CCDC171: variants seen among roughly 807,000 people sequenced by gnomAD.
CCDC171 encodes the protein coiled-coil domain-containing protein 171.
In CCDC171, 177 loss-of-function variants were observed where a neutral mutation model predicts 168.2. The ratio of observed to expected loss-of-function variants is 1.05; its 90% CI spans 0.93 to 1.19. CCDC171 has a LOEUF of 1.19. Among genes scored for constraint, CCDC171 ranks in the 50% most tolerant of loss-of-function variants. CCDC171 has a pLI of 0.00. For missense variants in CCDC171, 1,991 were observed against 1,539.0 expected (o/e 1.29, Z -4.91); for synonymous variants, 687 against 540.8 (o/e 1.27, Z -3.75).
intron 24 of CCDC171, among the ~76,000 whole-genome samples, chr9:15,914,519 G>T (rs566715833): frequency 1.3e-5 from 2 of 152,080 alleles, no homozygotes; most frequent in Non-Finnish European, 2.9e-5. Flanking sequence ...AGCATCCCAG[G>T]TTGACTTCGG....
chr9:15,664,781 C>G (rs1326421974), intron 8 of CCDC171, among the ~76,000 whole-genome samples: 1 of 146,712 alleles, frequency 6.8e-6, no homozygotes, highest in Non-Finnish European at 1.5e-5. Context: ...TCACTGCAAC[C>G]TCTGCCTCCC....
At chr9:15,942,233 C>T (rs1053854525) in intron 25 of CCDC171, among the ~76,000 whole-genome samples, 1 of 151,878 alleles carries the variant, frequency 6.6e-6, no homozygotes, top group African/African-American at 2.4e-5. Context: ...TGGTAGATAA[C>T]AAATAGTTTG....
the CCDC171 span, among the ~76,000 whole-genome samples, chr9:16,101,056 G>T: frequency 2.6e-5 from 4 of 152,320 alleles, no homozygotes; most frequent in East Asian, 7.7e-4. Flanking sequence ...GAGCTAGGAG[G>T]GAAGCAGAGA....
chr9:15,910,398 G>A (rs1003682391), intron 24 of CCDC171, among the ~76,000 whole-genome samples: 11 of 151,976 alleles, frequency 7.2e-5, no homozygotes, highest in Admixed American at 1.3e-4. Flanking sequence ...TTTATTCCTC[G>A]CTTCTCCATT....
chr9:15,594,579 C>G (rs72706648), intron 6 of CCDC171, among the ~76,000 whole-genome samples: 1 of 151,962 alleles, frequency 6.6e-6, no homozygotes. Flanking sequence ...CTTAATTATC[C>G]TCTATTCCTC....
At chr9:15,910,871 T>C (rs1823525940) in intron 24 of CCDC171, among the ~76,000 whole-genome samples, 1 of 152,216 alleles carries the variant, frequency 6.6e-6, no homozygotes, top group Non-Finnish European at 1.5e-5. Flanking sequence ...GCAGAGGACA[T>C]GAAATCATTC....
the CCDC171 span, among the ~76,000 whole-genome samples, chr9:16,099,979 G>A: frequency 2.0e-5 from 3 of 150,956 alleles, no homozygotes; most frequent in African/African-American, 7.4e-5. Flanking sequence ...AGAAACCAAC[G>A]CTGTATGGAG....
intron 6 of CCDC171, among the ~76,000 whole-genome samples, chr9:15,613,672 G>A (rs539695529): frequency 5.3e-5 from 8 of 151,874 alleles, no homozygotes; most frequent in Admixed American, 2.0e-4. Context: ...ACAGGCATGC[G>A]CCACCATGCC....
intron 25 of CCDC171, among the ~76,000 whole-genome samples, chr9:15,963,113 T>C (rs564382327): frequency 3.9e-5 from 6 of 152,202 alleles, no homozygotes; most frequent in Admixed American, 2.0e-4. Flanking sequence ...TTCTCACTCA[T>C]AGGTGGGAAT....
At chr9:16,054,805 G>T (rs1218192754) in intron 1 of CCDC171, among the ~76,000 whole-genome samples, 2 of 152,192 alleles carry the variant, frequency 1.3e-5, no homozygotes, top group Non-Finnish European at 2.9e-5. Context: ...ATATTTCTTA[G>T]TGGGGAGCAT....
chr9:15,952,307 A>T (rs78223574), intron 25 of CCDC171, among the ~76,000 whole-genome samples: 6,984 of 152,238 alleles, frequency 0.046, 346 homozygotes, highest in South Asian at 0.13. Flanking sequence ...TGAAATCAGG[A>T]TGAATGAGTC....
intron 24 of CCDC171, among the ~76,000 whole-genome samples, chr9:15,902,818 T>C (rs1047176387): frequency 2.0e-5 from 3 of 152,026 alleles, no homozygotes; most frequent in Non-Finnish European, 2.9e-5. Flanking sequence ...CCTGGAAAAT[T>C]GGGTCACTCC....
chr9:15,908,421 T>C (rs3008703), intron 24 of CCDC171, among the ~76,000 whole-genome samples: 61,554 of 150,002 alleles, frequency 0.41, 12,636 homozygotes, highest in Non-Finnish European at 0.44. Context: ...AACAAAACAC[T>C]GCATGTTCTC....
intron 25 of CCDC171, among the ~76,000 whole-genome samples, chr9:15,931,456 C>CTTTTTTTTTTTTTTTTTTTTTTT (rs57124025): frequency 6.7e-5 from 3 of 44,992 alleles, no homozygotes; most frequent in Admixed American, 5.5e-4. Flanking sequence ...TTCTTTCTTT[C>CTTTTTTTTTTTTTTTTTTTTTTT]TTTTTTTTTT....
At chr9:15,826,574 CCAT>C (rs1177256350) in intron 21 of CCDC171, among the ~76,000 whole-genome samples, 2 of 152,186 alleles carry the variant, frequency 1.3e-5, no homozygotes, top group African/African-American at 4.8e-5. Flanking sequence ...TGGAAACCAG[CCAT>C]CATTCTCTGG....
chr9:15,620,390 G>T (rs971311156), intron 6 of CCDC171, among the ~76,000 whole-genome samples: 2 of 152,092 alleles, frequency 1.3e-5, no homozygotes, highest in African/African-American at 4.8e-5. Flanking sequence ...CAGTCCTTAT[G>T]GATAACTTTG....
At position 15,835,990 on chromosome 9, in the gene CCDC171, A is replaced by G. The variant is rs115333303; in HGVS notation, c.3268-10712A>G. 7.9e-3 allele frequency among the ~76,000 whole-genome samples: 1,203 copies of G among 152,128 alleles called. 12 individuals carry two copies. The highest frequency in any genetic ancestry group is 0.028 in the African/African-American group (1,146 of 41,492). The stretch of plus-strand genomic sequence containing the variant: ...AATTATTTTTCTATAATGTCCTTAT[A>G]TTTACATACTCACCTAAGTCTCAGA... On this transcript the variant is annotated intron_variant, in intron 21 of 25. Transcript: ENST00000380701.
intron 12 of CCDC171, among the ~76,000 whole-genome samples, chr9:15,723,373 G>C (rs1183050438): frequency 6.6e-6 from 1 of 152,126 alleles, no homozygotes; most frequent in Non-Finnish European, 1.5e-5. Flanking sequence ...GAATAAAGTT[G>C]TATTTGTTTA....
At chr9:16,000,347 C>G (rs1371522753) in intron 3 of CCDC171, among the ~76,000 whole-genome samples, 1 of 152,016 alleles carries the variant, frequency 6.6e-6, no homozygotes, top group Non-Finnish European at 1.5e-5. Flanking sequence ...TTTTTTGTTA[C>G]CTCTCCCCTT....
Sources: gnomAD v4.1 joint callset for allele counts (sites outside exome capture counted in the v4.1 genomes callset) on GRCh38, gnomAD v4.1.1 for gene constraint, MANE v1.5 for transcripts, NCBI Gene and HGNC (gene_info 2026-07-23, HGNC 2026-07-21) for gene names.